NCALD: variants seen among roughly 807,000 people sequenced by gnomAD.
NCALD encodes neurocalcin-delta.
Under a neutral mutation model 18.6 loss-of-function variants are expected in NCALD, and 10 were observed. The observed-to-expected ratio is 0.54, with a 90% CI of 0.33 to 0.91. NCALD has a LOEUF of 0.91. Ranked by LOEUF, NCALD falls within the 40% of genes least tolerant of loss-of-function variation. The pLI, the probability that NCALD is intolerant of heterozygous loss-of-function variation, is 0.03. For synonymous variants in NCALD, 88 were observed against 87.4 expected (o/e 1.01, Z -0.04); for missense variants, 184 against 247.6 (o/e 0.74, Z 1.72).
At chr8:101,802,800 A>G (rs1812917541) in intron 4 of NCALD, among the ~76,000 whole-genome samples, 1 of 151,558 alleles carries the variant, frequency 6.6e-6, no homozygotes, top group African/African-American at 2.4e-5. Flanking sequence ...AGCCATCTCC[A>G]TAACATAAAA....
intron 3 of NCALD, chr8:101,690,802 A>T: frequency 1.0e-6 from 1 of 985,288 alleles, no homozygotes; most frequent in Non-Finnish European, 1.2e-6. Flanking sequence ...AATGGTAATG[A>T]CTTCCTCCAG....
In NCALD at chr8:101,746,854, C is replaced by T. The variant is rs540108972; in HGVS notation, c.-19-27206G>A. On this transcript the variant is annotated intron_variant, in intron 1 of 3. Coordinates refer to ENST00000220931, the MANE Select transcript of NCALD (RefSeq NM_032041.3). ...GTTCATTTCTCACTTGGATCTTTCA[C>T]TAAATTCCACCAAAAAGATGTCATA... Among the ~76,000 whole-genome samples the T allele has an allele frequency of 3.3e-5, 5 of 152,118 alleles. No individual in the cohort carries two copies. In the South Asian group the frequency reaches 1.0e-3, roughly 32 times the overall value.
At chr8:101,935,608 A>G (rs1321551175) in intron 2 of NCALD, among the ~76,000 whole-genome samples, 2 of 152,116 alleles carry the variant, frequency 1.3e-5, no homozygotes, top group Non-Finnish European at 2.9e-5. Context: ...TGGTAATGTC[A>G]AGGTCACTGG....
At chr8:101,838,186 T>C (rs960250438) in intron 4 of NCALD, among the ~76,000 whole-genome samples, 1 of 152,220 alleles carries the variant, frequency 6.6e-6, no homozygotes, top group Non-Finnish European at 1.5e-5. Flanking sequence ...CAAGTTCATA[T>C]AACCTTTCTG....
At chr8:101,701,176 C>G (rs530118160) in intron 2 of NCALD, among the ~76,000 whole-genome samples, 49 of 152,200 alleles carry the variant, frequency 3.2e-4, no homozygotes, top group African/African-American at 1.2e-3. Context: ...CATCAACAAC[C>G]GAGAGCTGAT....
At chr8:101,891,463 G>C (rs1324407213) in intron 3 of NCALD, among the ~76,000 whole-genome samples, 1 of 152,154 alleles carries the variant, frequency 6.6e-6, no homozygotes, top group East Asian at 1.9e-4. Flanking sequence ...TTTCATTGCT[G>C]AGTAGTATTC....
intron 3 of NCALD, among the ~76,000 whole-genome samples, chr8:101,904,197 T>A (rs1293855973): frequency 6.6e-6 from 1 of 152,126 alleles, no homozygotes; most frequent in Non-Finnish European, 1.5e-5. Flanking sequence ...GGGAAATAAA[T>A]TGCTCCCAGT....
chr8:101,890,608 C>T (rs949821999), intron 3 of NCALD, among the ~76,000 whole-genome samples: 7 of 152,328 alleles, frequency 4.6e-5, no homozygotes, highest in African/African-American at 1.7e-4. Context: ...CTCTGCCCTT[C>T]TGCCATGTTG....
intron 4 of NCALD, chr8:101,847,327 ACC>A (rs1586624437): frequency 4.0e-6 from 1 of 251,618 alleles, no homozygotes; most frequent in East Asian, 1.0e-4. Context: ...GCACATGAAC[ACC>A]CAATTATCAC....
chr8:101,942,535 C>T (rs1015021459), intron 2 of NCALD, among the ~76,000 whole-genome samples: 1 of 152,056 alleles, frequency 6.6e-6, no homozygotes, highest in Non-Finnish European at 1.5e-5. Flanking sequence ...TGGGCAATAA[C>T]AAATAAAATG....
rs957378383 is a variant in NCALD at position 101,692,644 on chromosome 8, C to T, written c.484+147G>A. On this transcript the variant is annotated intron_variant, in intron 3 of 3. Transcript: ENST00000220931. ...CTGGGCTCAGCTCTCCTGTGGCCAC[C>T]TGGTCCTCTCCCCTCCTACCCACCC... 6.0e-5 allele frequency: 84 copies of T among 1,391,188 alleles called. No homozygotes were observed. In the African/African-American group the frequency reaches 1.1e-3, roughly 19 times the overall value. The allele number at this position is 1,391,188 out of a possible 1,614,324, so 86.2% of individuals were successfully genotyped here. A position where few individuals can be genotyped will look rare whatever the true frequency, so the allele number is the denominator to read the frequency against.
intron 4 of NCALD, among the ~76,000 whole-genome samples, chr8:101,876,309 T>C (rs1223731402): frequency 6.6e-6 from 1 of 152,214 alleles, no homozygotes; most frequent in Non-Finnish European, 1.5e-5. Flanking sequence ...TTAGTCAAAG[T>C]GCTGTCTTTT....
intron 2 of NCALD, among the ~76,000 whole-genome samples, chr8:101,996,457 G>A (rs933723023): frequency 1.3e-5 from 2 of 152,188 alleles, no homozygotes; most frequent in African/African-American, 4.8e-5. Flanking sequence ...CTACAGCACC[G>A]AGCATTGGAT....
rs1430065237 is a variant in NCALD at position 101,790,558 on chromosome 8, C to T, written c.-20+304G>A. Among the ~76,000 whole-genome samples the T allele has an allele frequency of 3.3e-5, 5 of 152,188 alleles. No individual in the cohort carries two copies. The South Asian group carries it at 6.2e-4, about 19-fold the overall frequency. On this transcript the variant is annotated intron_variant, in intron 1 of 3. Transcript: ENST00000220931. ...CCAAAACAATACTGAAGGGAGGATT[C>T]CTGGAATTCAAGAGAGAATATTTGG...
At chr8:102,007,943 T>C (rs1400780849) in intron 2 of NCALD, among the ~76,000 whole-genome samples, 1 of 152,208 alleles carries the variant, frequency 6.6e-6, no homozygotes, top group Non-Finnish European at 1.5e-5. Flanking sequence ...TGTGCTTTTC[T>C]ACAGCCATTC....
At chr8:102,037,356 G>C (rs374947652) in intron 1 of NCALD, among the ~76,000 whole-genome samples, 6 of 151,990 alleles carry the variant, frequency 3.9e-5, no homozygotes, top group Admixed American at 3.3e-4. Context: ...TCAGGGCCCA[G>C]ATTCCATGCT....
intron 1 of NCALD, among the ~76,000 whole-genome samples, chr8:102,089,899 A>T (rs1824867783): frequency 6.6e-6 from 1 of 152,236 alleles, no homozygotes; most frequent in African/African-American, 2.4e-5. Context: ...GACTAAAAGC[A>T]CAACAGGTTT....
chr8:101,775,507 C>T (rs917616949), intron 1 of NCALD, among the ~76,000 whole-genome samples: 1 of 152,152 alleles, frequency 6.6e-6, no homozygotes, highest in South Asian at 2.1e-4. Context: ...TGAATTTGGC[C>T]TTAGGAATCT....
At chr8:101,798,927 T>C (rs9649918) in intron 4 of NCALD, among the ~76,000 whole-genome samples, 3 of 152,180 alleles carry the variant, frequency 2.0e-5, no homozygotes, top group African/African-American at 7.2e-5. Flanking sequence ...TTTCAACATA[T>C]GGTACTGGAA....
Sources: gnomAD v4.1 joint callset for allele counts (sites outside exome capture counted in the v4.1 genomes callset) on GRCh38, gnomAD v4.1.1 for gene constraint, MANE v1.5 for transcripts, NCBI Gene and HGNC (gene_info 2026-07-23, HGNC 2026-07-21) for gene names.